SULT1A1: variants seen among roughly 807,000 people sequenced by gnomAD.
The protein encoded by SULT1A1 is sulfotransferase family 1A member 1, also known as sulfotransferase 1A1.
SULT1A1 carries 35 observed loss-of-function variants against 36.8 expected under a neutral mutation model. That is an observed-to-expected ratio of 0.95 (90% confidence interval 0.73 to 1.26). The LOEUF is 1.26. Among genes scored for constraint, SULT1A1 ranks in the 50% most tolerant of loss-of-function variants. The probability of loss-of-function intolerance (pLI) is 0.00; values close to 1 mark genes in which losing one functional copy is unlikely to be tolerated. For missense variants in SULT1A1, 309 were observed against 383.0 expected (o/e 0.81, Z 1.61); for synonymous variants, 119 against 146.0 (o/e 0.82, Z 1.33).
chr16:28,609,544 G>A (rs375122241), intron 1 of SULT1A1: 1 of 548,670 alleles, frequency 1.8e-6, no homozygotes, highest in Non-Finnish European at 2.9e-6. Flanking sequence ...CCAGGAGTTG[G>A]AGACCAACCT....
At chr16:28,621,942 G>A (rs1224759493) in intron 1 of SULT1A1, among the ~76,000 whole-genome samples, 1 of 152,162 alleles carries the variant, frequency 6.6e-6, no homozygotes, top group African/African-American at 2.4e-5. Context: ...TTCTTCCCCA[G>A]CCCTGGGTGG....
At chr16:28,620,129 C>T (rs2047622636) in exon 2 of SULT1A1, 1 of 1,612,556 alleles carries the variant, frequency 6.2e-7, no homozygotes, top group African/African-American at 1.3e-5. Flanking sequence ...GGAGAATGCT[C>T]ATACCTATTT....
At chr16:28,622,054 C>T (rs1179858018) in intron 1 of SULT1A1, among the ~76,000 whole-genome samples, 1 of 152,160 alleles carries the variant, frequency 6.6e-6, no homozygotes, top group Non-Finnish European at 1.5e-5. Context: ...AAAGTCTTCA[C>T]CCCGGGAGAA....
intron 1 of SULT1A1, chr16:28,609,709 A>T: frequency 2.1e-6 from 1 of 478,884 alleles, no homozygotes; most frequent in Non-Finnish European, 3.4e-6. Flanking sequence ...AGTGGCCAGG[A>T]TCCCACAGCA....
chr16:28,618,247 A>G (rs1370502147), intron 2 of SULT1A1, among the ~76,000 whole-genome samples: 1 of 150,602 alleles, frequency 6.6e-6, no homozygotes, highest in Non-Finnish European at 1.5e-5. Context: ...TGTGTTGCGC[A>G]GGCTGGTCTG....
intron 1 of SULT1A1, chr16:28,620,194 ATGTT>A (rs1330479715): frequency 4.6e-6 from 7 of 1,520,552 alleles, no homozygotes; most frequent in Non-Finnish European, 6.3e-6. Context: ...ATAACAGTTC[ATGTT>A]TAAGTTTACC....
chr16:28,605,778 T>G lies in SULT1A1; in HGVS notation c.*43A>C, dbSNP rs377290662. The G allele has an allele frequency of 6.9e-4, 1,105 of 1,597,202 alleles. 24 individuals are homozygous for G. Among genetic ancestry groups the G allele is most frequent in the African/African-American group, 6.9e-3 (514 of 74,754 alleles). ...TTTATTCTTGAGCCGCTTGGTCAGGTTTGATTCGCACACTCCCTCTGCAGT... is the reference window on the plus strand; with the variant it reads ...TTTATTCTTGAGCCGCTTGGTCAGGGTTGATTCGCACACTCCCTCTGCAGT... On this transcript the variant is annotated 3_prime_UTR_variant, in exon 8 of 8. Coordinates refer to ENST00000314752, the MANE Select transcript of SULT1A1 (RefSeq NM_001055.4).
At chr16:28,620,890 C>G (rs1455771184) in intron 1 of SULT1A1, among the ~76,000 whole-genome samples, 1 of 151,988 alleles carries the variant, frequency 6.6e-6, no homozygotes, top group African/African-American at 2.4e-5. Context: ...GCGAGCGGAT[C>G]ACCTGAGGTC....
rs1003650048 is a variant in SULT1A1, at chr16:28,605,661, C to T, written c.*160G>A. 73 of 1,287,618 alleles carry T rather than the reference C, an allele frequency of 5.7e-5. No individual in the cohort carries two copies. Among genetic ancestry groups the T allele is most frequent in the Admixed American group, 8.6e-5 (4 of 46,734 alleles). The allele number at this position is 1,287,618 out of a possible 1,614,324, so 79.8% of individuals were successfully genotyped here. A position where few individuals can be genotyped will look rare whatever the true frequency, so the allele number is the denominator to read the frequency against. On this transcript the variant is annotated 3_prime_UTR_variant, in exon 8 of 8. Transcript: ENST00000314752. Reference sequence around the variant, plus strand: ...CTCACTATGTTGCCCAGGTTGGTCTCGAACTCCTGGGCTCAAATGATCCTC... The same window carrying T: ...CTCACTATGTTGCCCAGGTTGGTCTTGAACTCCTGGGCTCAAATGATCCTC...
chr16:28,619,147 G>A (rs2047602433), intron 2 of SULT1A1, among the ~76,000 whole-genome samples: 1 of 151,944 alleles, frequency 6.6e-6, no homozygotes, highest in South Asian at 2.1e-4. Context: ...TGAGTAGCTG[G>A]GATTACAGAC....
At position 28,623,370 on chromosome 16, in the gene SULT1A1, C is replaced by G. The variant is rs561167177; in HGVS notation, c.-173G>C. ...GTCCCCGGCGGAGACGAGCGAGCTA[C>G]GGCACGCTCGTAGAGCGTAGAGCTA... On this transcript the variant is annotated 5_prime_UTR_variant, in exon 1 of 6. Transcript: ENST00000350842. 4.1e-6 allele frequency: 6 copies of G among 1,478,680 alleles called. No individual in the cohort carries two copies. In the Admixed American group the frequency reaches 6.9e-5, roughly 17 times the overall value. 91.6% of individuals were successfully genotyped at this position (1,478,680 alleles called of 1,614,324 possible).
chr16:28,609,304 C>A, intron 1 of SULT1A1: 1 of 1,265,834 alleles, frequency 7.9e-7, no homozygotes, highest in South Asian at 1.3e-5. Context: ...CCTCCTTGAG[C>A]CCCTCAGCCC....
intron 2 of SULT1A1, among the ~76,000 whole-genome samples, chr16:28,615,833 C>T (rs542904420): frequency 1.4e-3 from 212 of 152,292 alleles, no homozygotes; most frequent in African/African-American, 4.7e-3. Flanking sequence ...GCCTGGCAGC[C>T]GAGGCAGAGA....
At chr16:28,607,636 T>TTA (rs2047262043) in intron 4 of SULT1A1, 1 of 127,524 alleles carries the variant, frequency 7.8e-6, no homozygotes, top group African/African-American at 2.6e-5. Flanking sequence ...ATTTATTTAT[T>TTA]TTTGAGACAG....
chr16:28,612,024 AAAAC>A (rs762336664), upstream of SULT1A1: 34 of 420 alleles, frequency 0.081, 1 homozygote, highest in South Asian at 0.17. Flanking sequence ...TCAAAAAAAC[AAAAC>A]AAAACAAAAA....
chr16:28,607,849 G>C (rs1280403607), intron 4 of SULT1A1: 3 of 153,566 alleles, frequency 2.0e-5, no homozygotes, highest in African/African-American at 4.8e-5. Context: ...CATTTTTATA[G>C]AGATGGAGAC....
intron 2 of SULT1A1, among the ~76,000 whole-genome samples, chr16:28,616,329 A>G (rs1233125668): frequency 6.6e-6 from 1 of 152,218 alleles, no homozygotes; most frequent in Non-Finnish European, 1.5e-5. Flanking sequence ...ATATTTTATT[A>G]TACTGGAACA....
chr16:28,606,236 T>A lies in SULT1A1; in HGVS notation c.595A>T (p.Asn199Tyr), dbSNP rs754074031. 131 of 1,610,346 alleles carry A rather than the reference T, an allele frequency of 8.1e-5. 2 individuals are homozygous for A. The East Asian group carries it at 2.7e-3, about 33-fold the overall frequency. ...ATCTTTTGAATCTCCCTTTTCGGGT[T>A]CTGAGCAGCAGAGGGCCCCTCAGTG... ...LYLFYEDMKE[N>Y]PKREIQKILE... Residue 199 changes from asparagine (N) to tyrosine (Y), a missense_variant and splice_region_variant, in exon 7 of 8, where the codon AAC becomes TAC. Asn to Tyr is a moderately radical substitution (Grantham distance 143). Around this residue, in one of 3 missense-constraint regions of SULT1A1, gnomAD observed 219 missense variants for 215.3 expected, o/e 1.02. Coordinates refer to ENST00000314752, the MANE Select transcript of SULT1A1 (RefSeq NM_001055.4).
In SULT1A1 at chr16:28,606,978, A is replaced by G; in HGVS notation, c.472T>C (p.Phe158Leu). ...VHPEPGTWDS[F>L]LEKFMVGEVS... ...TCTCCGACCATGAACTTCTCCAGGA[A>G]GCTGTCCCAGGTCCCAGGCTCAGGG... is the stretch of plus-strand genomic sequence containing the variant. Residue 158 changes from phenylalanine to leucine, a missense_variant, in exon 5 of 8, where the codon TTC becomes CTC. Physicochemically the swap from Phe to Leu is conservative, Grantham distance 22. Coordinates refer to ENST00000314752, the MANE Select transcript of SULT1A1 (RefSeq NM_001055.4). 1 of 1,612,490 alleles carries G rather than the reference A, an allele frequency of 6.2e-7. No individual in the cohort carries two copies. The highest frequency in any genetic ancestry group is 8.5e-7 in the Non-Finnish European group (1 of 1,178,728).
Sources: allele counts gnomAD v4.1 joint callset (sites outside exome capture counted in the v4.1 genomes callset), GRCh38; gene constraint gnomAD v4.1.1; regional missense constraint gnomAD v4.1.1; transcripts MANE v1.5; gene names NCBI Gene and HGNC (gene_info 2026-07-23, HGNC 2026-07-21).